CROCC2: variants seen among roughly 807,000 people sequenced by gnomAD.
CROCC2 encodes the protein ciliary rootlet coiled-coil protein 2.
A neutral mutation model predicts 177.6 loss-of-function variants in CROCC2; 163 were observed. The ratio of observed to expected loss-of-function variants is 0.92; its 90% CI spans 0.81 to 1.05. The LOEUF is 1.05. Among genes scored for constraint, CROCC2 ranks in the 50% least tolerant of loss-of-function variants. The pLI, the probability that CROCC2 is intolerant of heterozygous loss-of-function variation, is 0.00. For missense variants in CROCC2, 1,929 were observed against 1,797.8 expected (o/e 1.07, Z -1.32); for synonymous variants, 904 against 787.3 (o/e 1.15, Z -2.48).
chr2:240,963,690 C>T lies in CROCC2; in HGVS notation c.3222C>T (p.Asp1074=), dbSNP rs775101971. The part of the protein sequence containing the change: ...EAQEARRALS[D]EAREKDVLLL... Reference sequence around the variant, plus strand: ...AGGAGGCCCGCCGGGCGCTGAGTGACGAGGCCCGCGAGAAGGACGTACTGT... The same window carrying T: ...AGGAGGCCCGCCGGGCGCTGAGTGATGAGGCCCGCGAGAAGGACGTACTGT... The change falls in exon 21 of 32, where the codon GAC becomes GAT. Residue 1074 remains aspartate, a synonymous_variant. Transcript: ENST00000690015. 1.4e-5 allele frequency: 22 copies of T among 1,550,116 alleles called. No individual in the cohort carries two copies. The highest frequency in any genetic ancestry group is 4.9e-5 in the East Asian group (2 of 40,928).
rs545043652 is a variant in CROCC2, at chr2:240,983,854, G to A, written c.4551+825G>A. Among the ~76,000 whole-genome samples, 5 of 152,292 alleles carry A rather than the reference G, an allele frequency of 3.3e-5. No homozygotes were observed. In the South Asian group the frequency reaches 1.0e-3, roughly 32 times the overall value. On this transcript the variant is annotated intron_variant, in intron 28 of 31. Coordinates refer to ENST00000690015, the MANE Select transcript of CROCC2 (RefSeq NM_001351305.2). ...TCTGAGCCCAGCTTTGCTGGAAACC[G>A]AGTGGCCTGACACATCACACACCCC...
intron 12 of CROCC2, among the ~76,000 whole-genome samples, 179 bp downstream of exon 12, chr2:240,934,654 C>T (rs1356203199): frequency 2.0e-5 from 3 of 152,212 alleles, no homozygotes; most frequent in South Asian, 2.1e-4. Context: ...CAGCCTGGCC[C>T]AGCTGCTGTC....
intron 5 of CROCC2, among the ~76,000 whole-genome samples, chr2:240,926,457 A>G (rs939224237): frequency 1.3e-5 from 2 of 152,186 alleles, no homozygotes; most frequent in African/African-American, 2.4e-5. Context: ...GGCCTTGGGT[A>G]CCGTGGCTCT....
chr2:240,983,431 C>A (rs772129294), intron 28 of CROCC2: 1 of 1,275,342 alleles, frequency 7.8e-7, no homozygotes, highest in South Asian at 1.3e-5. Flanking sequence ...CCCAGGTGCT[C>A]TGCAGGCCGC....
chr2:240,965,777 C>A lies in CROCC2; in HGVS notation c.3745C>A (p.Gln1249Lys). The change falls in exon 24 of 32, where the codon CAG becomes AAG. Residue 1249 changes from glutamine to lysine, a missense_variant. Physicochemically the swap from Gln to Lys is moderately conservative, Grantham distance 53. This residue lies in a region of CROCC2 where 144 missense variants were observed against 205.2 expected (regional missense o/e 0.70). Coordinates refer to ENST00000690015, the MANE Select transcript of CROCC2 (RefSeq NM_001351305.2). The part of the protein sequence containing the change: ...AELHSVTRKL[Q>K]EASGVADALQ... ...GCTGCACAGTGTCACCAGGAAGCTG[C>A]AGGAAGCCAGTGGTGTGGCTGATGC... 6.7e-7 allele frequency: 1 copy of A among 1,493,426 alleles called. No homozygotes were observed. The highest frequency in any genetic ancestry group is 8.9e-7 in the Non-Finnish European group (1 of 1,120,528). The allele number at this position is 1,493,426 out of a possible 1,614,324, so 92.5% of individuals were successfully genotyped here.
intron 22 of CROCC2, 37 bp from the exon 23 acceptor site, chr2:240,965,344 G>C: frequency 1.3e-6 from 2 of 1,546,706 alleles, no homozygotes; most frequent in Non-Finnish European, 1.7e-6. Context: ...CCAGCACAGA[G>C]ACCAGTGACC....
In CROCC2 at chr2:240,953,052, T is replaced by A. The variant is rs553501940; in HGVS notation, c.2829+2542T>A. On this transcript the variant is annotated intron_variant, in intron 18 of 31. Transcript: ENST00000690015. The surrounding 1 kb of genome is among the most constrained non-coding windows in gnomAD (Gnocchi z 4.0). ...CCAACCACTGGGCAACGTGGCCTGT[T>A]CTCATGTGGTTATTTAATCCCAGCT... Among the ~76,000 whole-genome samples the A allele has an allele frequency of 6.6e-6, 1 of 151,872 alleles. No individual in the cohort carries two copies. Among genetic ancestry groups the A allele is most frequent in the African/African-American group, 2.4e-5 (1 of 41,342 alleles).
At chr2:240,935,649 C>G in intron 14 of CROCC2, 61 bp downstream of exon 14, 1 of 1,264,914 alleles carries the variant, frequency 7.9e-7, no homozygotes, top group Non-Finnish European at 1.0e-6. Flanking sequence ...GCAGGTCTTG[C>G]CTAAGGTACT....
intron 14 of CROCC2, among the ~76,000 whole-genome samples, chr2:240,945,800 T>C (rs190433669): frequency 6.6e-6 from 1 of 152,158 alleles, no homozygotes; most frequent in East Asian, 1.9e-4. Flanking sequence ...ATGGTACCAT[T>C]TAGATTGACA....
In CROCC2 at chr2:240,972,050, AT is replaced by A. The variant is rs143223949; in HGVS notation, c.4401+3790del. Among the ~76,000 whole-genome samples, 923 of 152,178 alleles carry A rather than the reference AT, an allele frequency of 6.1e-3. 39 individuals carry two copies. In the South Asian group the frequency reaches 0.11, roughly 18 times the overall value. On this transcript the variant is annotated intron_variant, in intron 27 of 31. Transcript: ENST00000690015. The surrounding 1 kb of genome is among the most constrained non-coding windows in gnomAD (Gnocchi z 7.1). ...TGTCAGTAGCTCACTTCTCTGTTTA[AT>A]TAGAGACTCTCAGATCTGATTCCTC...
rs540779159 is a variant in CROCC2, at chr2:240,918,819, G to A, written c.172G>A (p.Val58Met). 45 of 618,728 alleles carry A rather than the reference G, an allele frequency of 7.3e-5. No homozygotes were observed. Among genetic ancestry groups the A allele is most frequent in the Middle Eastern group, 2.6e-4 (1 of 3,856 alleles). 38.3% of individuals were successfully genotyped at this position (618,728 alleles called of 1,614,324 possible). A position where few individuals can be genotyped will look rare whatever the true frequency, so the allele number is the denominator to read the frequency against. Residue 58 changes from valine to methionine, a missense_variant, in exon 2 of 32, where the codon GTG (valine) becomes ATG (methionine). By Grantham distance (21) the Val-to-Met change is conservative. Around this residue, in one of 3 missense-constraint regions of CROCC2, gnomAD observed 1,397 missense variants for 1,239.9 expected, o/e 1.13. Coordinates refer to ENST00000690015, the MANE Select transcript of CROCC2 (RefSeq NM_001351305.2). The surrounding 1 kb of genome is among the most constrained non-coding windows in gnomAD (Gnocchi z 6.3). ...GEGRQASPTP[V>M]PTRIREIVAG... is the part of the protein sequence containing the mutation. ...AGGCCGGCAGGCCTCGCCCACCCCC[G>A]TGCCCACCCGCATCCGTGAGATCGT... is the stretch of plus-strand genomic sequence containing the variant.
intron 19 of CROCC2, chr2:240,956,596 G>C (rs6754171): frequency 0.64 from 97,384 of 152,734 alleles, 31,304 homozygotes; most frequent in African/African-American, 0.67. Context: ...GGGGTCACCT[G>C]GGACCCCTGG....
At chr2:240,935,276 CG>C in intron 13 of CROCC2, 81 bp from the exon 14 acceptor site, 5 of 1,274,010 alleles carry the variant, frequency 3.9e-6, no homozygotes, top group African/African-American at 1.6e-5. Context: ...GACAGTGCCC[CG>C]GGGCAGGCCT....
chr2:240,991,871 C>A (rs2059881938), intron 31 of CROCC2, among the ~76,000 whole-genome samples: 1 of 152,238 alleles, frequency 6.6e-6, no homozygotes, highest in African/African-American at 2.4e-5. Flanking sequence ...AACATAATGT[C>A]CTGCAAGGCC....
chr2:240,935,226 A>G, intron 13 of CROCC2, 132 bp from the exon 14 acceptor site: 2 of 1,187,820 alleles, frequency 1.7e-6, no homozygotes, highest in South Asian at 3.0e-5. Context: ...GGCCTGAGGG[A>G]GGGAAGAGAG....
chr2:240,965,641 G>A lies in CROCC2; in HGVS notation c.3609G>A (p.Leu1203=), dbSNP rs769257078. 13 of 1,550,534 alleles carry A rather than the reference G, an allele frequency of 8.4e-6. No individual in the cohort carries two copies. ...AKHEGARKEV[L]GLQRKLAEVE... is the part of the protein sequence containing the mutation. ...CCCCAACATCCCTCCTACAGGTCCT[G>A]GGATTGCAGAGGAAGTTGGCAGAGG... The change falls in exon 24 of 32, where the codon CTG becomes CTA. Residue 1203 remains leucine, a synonymous_variant. Coordinates refer to ENST00000690015, the MANE Select transcript of CROCC2 (RefSeq NM_001351305.2).
At chr2:240,957,842 A>T in intron 19 of CROCC2, 1 of 371,432 alleles carries the variant, frequency 2.7e-6, no homozygotes, top group Non-Finnish European at 3.7e-6. Flanking sequence ...CGGGCCTGTG[A>T]CCATGCCCCT....
At chr2:240,992,930 G>C (rs914796840) in intron 31 of CROCC2, 136 bp from the exon 32 acceptor site, 50 of 623,208 alleles carry the variant, frequency 8.0e-5, no homozygotes, top group African/African-American at 7.7e-4. Flanking sequence ...GCCAGGGCGG[G>C]AGGGAGGAAC....
At chr2:240,913,653 G>A (rs1473723907) in intron 1 of CROCC2, among the ~76,000 whole-genome samples, 1 of 152,248 alleles carries the variant, frequency 6.6e-6, no homozygotes, top group Non-Finnish European at 1.5e-5. Flanking sequence ...AACACCTGAG[G>A]AGCAAACTGA....
Sources: gnomAD v4.1 joint callset for allele counts (sites outside exome capture counted in the v4.1 genomes callset) on GRCh38, gnomAD v4.1.1 for gene constraint, gnomAD v4.1.1 regional missense constraint, Gnocchi (gnomAD v3.1) non-coding constraint, MANE v1.5 for transcripts, NCBI Gene and HGNC (gene_info 2026-07-23, HGNC 2026-07-21) for gene names.